Variants in LVRN observed in about 807,000 individuals in gnomAD.
LVRN encodes aminopeptidase Q.
LVRN carries 99 observed loss-of-function variants against 111.4 expected under a neutral mutation model. The observed-to-expected ratio is 0.89, with a 90% CI of 0.76 to 1.05. The LOEUF (loss-of-function observed/expected upper bound fraction) is 1.05. Among genes scored for constraint, LVRN ranks in the 50% least tolerant of loss-of-function variants. The probability of loss-of-function intolerance (pLI) is 0.00; values close to 1 mark genes in which losing one functional copy is unlikely to be tolerated. For synonymous variants in LVRN, 488 were observed against 449.5 expected (o/e 1.09, Z -1.08); for missense variants, 1,414 against 1,206.8 (o/e 1.17, Z -2.54).
At chr5:115,996,824 G>A (rs530383460) in intron 6 of LVRN, among the ~76,000 whole-genome samples, 1 of 152,090 alleles carries the variant, frequency 6.6e-6, no homozygotes, top group African/African-American at 2.4e-5. Context: ...ATCATATGTT[G>A]CTCTGCCTTT....
chr5:115,993,248 C>G (rs766348564), intron 5 of LVRN, among the ~76,000 whole-genome samples: 48 of 150,998 alleles, frequency 3.2e-4, no homozygotes, highest in Non-Finnish European at 5.4e-4. Context: ...AACAGCTGAG[C>G]CATATTGCAT....
intron 3 of LVRN, 128 bp downstream of exon 3, chr5:115,984,837 T>C: frequency 7.7e-7 from 1 of 1,306,622 alleles, no homozygotes; most frequent in East Asian, 2.5e-5. Flanking sequence ...TCCCAAGCCC[T>C]GTAAAAGTTC....
chr5:115,981,743 A>G (rs1024653192), intron 1 of LVRN, among the ~76,000 whole-genome samples: 6 of 152,106 alleles, frequency 3.9e-5, no homozygotes, highest in Admixed American at 6.5e-5. Flanking sequence ...TGGGACTTTT[A>G]AAGATGCATC....
At chr5:116,005,160 A>G (rs1403538980) in intron 12 of LVRN, among the ~76,000 whole-genome samples, 1 of 152,270 alleles carries the variant, frequency 6.6e-6, no homozygotes, top group African/African-American at 2.4e-5. Flanking sequence ...TAGTACTGCC[A>G]GAAAAGAAAT....
At chr5:115,969,655 C>G (rs941149151) in intron 1 of LVRN, among the ~76,000 whole-genome samples, 4 of 151,954 alleles carry the variant, frequency 2.6e-5, no homozygotes, top group Non-Finnish European at 4.4e-5. Flanking sequence ...AAAAAATTAT[C>G]CAGGTGTGGT....
Position 116,015,241 on chromosome 5 carries a change from A to G in LVRN, c.2451-11A>G, listed in dbSNP as rs764760798. On this transcript the variant is annotated splice_polypyrimidine_tract_variant and intron_variant, in intron 16 of 19. Coordinates refer to ENST00000357872, the MANE Select transcript of LVRN (RefSeq NM_173800.5). ...ACTATGAAAAATATCATTTTATGTT[A>G]TATTTTACAGAATACCTTATCCAAT... 1 of 1,553,946 alleles carries G rather than the reference A, an allele frequency of 6.4e-7. No individual in the cohort carries two copies.
intron 12 of LVRN, among the ~76,000 whole-genome samples, chr5:116,003,738 C>T (rs979119638): frequency 6.6e-6 from 1 of 151,966 alleles, no homozygotes; most frequent in Non-Finnish European, 1.5e-5. Context: ...CCTGCCACCA[C>T]GCCCGGCTAA....
chr5:116,003,434 G>C (rs570195804), intron 12 of LVRN, 54 bp downstream of exon 12: 7 of 1,178,994 alleles, frequency 5.9e-6, no homozygotes, highest in Non-Finnish European at 8.0e-6. Flanking sequence ...GCCTTCTCTA[G>C]TGTTTTAGAA....
intron 1 of LVRN, chr5:115,974,795 A>G (rs1753404376): frequency 3.7e-6 from 1 of 267,292 alleles, no homozygotes; most frequent in Admixed American, 4.3e-5. Context: ...CATGGACATC[A>G]AGACCTCAGG....
At chr5:116,014,071 A>G (rs1580398916) in intron 15 of LVRN, among the ~76,000 whole-genome samples, 1 of 152,318 alleles carries the variant, frequency 6.6e-6, no homozygotes. Flanking sequence ...TTTTTTATCC[A>G]TAAGGCAATT....
At chr5:115,983,206 C>G in intron 1 of LVRN, 81 bp from the exon 2 acceptor site, 1 of 1,423,224 alleles carries the variant, frequency 7.0e-7, no homozygotes, top group East Asian at 2.5e-5. Flanking sequence ...GGCTAACTTA[C>G]AAGCCATCAT....
At chr5:115,990,400 A>C (rs1747960984) in intron 4 of LVRN, among the ~76,000 whole-genome samples, 1 of 152,038 alleles carries the variant, frequency 6.6e-6, no homozygotes, top group African/African-American at 2.4e-5. Context: ...TGTTTGAAGT[A>C]TTTCTTTGGT....
Position 115,993,846 on chromosome 5 carries a change from C to T in LVRN, c.1366C>T (p.Leu456Phe). 1.4e-5 allele frequency: 22 copies of T among 1,575,768 alleles called. No homozygotes were observed. Among genetic ancestry groups the T allele is most frequent in the Non-Finnish European group, 1.9e-5 (22 of 1,153,896 alleles). The change falls in exon 6 of 20, where the codon CTC (leucine) becomes TTC (phenylalanine). Residue 456 changes from leucine (L) to phenylalanine (F), a missense_variant. Leu to Phe is a conservative substitution (Grantham distance 22, BLOSUM62 0). Coordinates refer to ENST00000357872, the MANE Select transcript of LVRN (RefSeq NM_173800.5). ...AGTAATTAACTACTTTAATCCTAAA[C>T]TCCCAAGAGTAAGTATGTTTACTAA... is the stretch of plus-strand genomic sequence containing the variant. ...FEVINYFNPK[L>F]PRNEIFFSNI...
chr5:115,963,366 G>A, intron 1 of LVRN, 54 bp downstream of exon 1: 1 of 1,445,044 alleles, frequency 6.9e-7, no homozygotes. Flanking sequence ...GCGTCCCGGT[G>A]CAGGCTGCGG....
intron 3 of LVRN, among the ~76,000 whole-genome samples, chr5:115,985,361 A>G (rs1747834317): frequency 6.6e-6 from 1 of 152,130 alleles, no homozygotes; most frequent in African/African-American, 2.4e-5. Flanking sequence ...GGTGGCCACA[A>G]GACAAGTAGA....
At position 116,000,590 on chromosome 5, in the gene LVRN, CA is replaced by C; in HGVS notation, c.1582-2del. 6.2e-7 allele frequency: 1 copy of C among 1,613,776 alleles called. No homozygotes were observed. The highest frequency in any genetic ancestry group is 8.5e-7 in the Non-Finnish European group (1 of 1,179,742). On this transcript the variant is annotated splice_acceptor_variant, in intron 8 of 19. Coordinates refer to ENST00000357872, the MANE Select transcript of LVRN (RefSeq NM_173800.5). LOFTEE classifies it high-confidence loss of function. ...TTTAACCTTAACTTTTCTATTTTTACAGTCATATTTGAAGACATTTTCCTAC... is the reference window on the plus strand; with the variant it reads ...TTTAACCTTAACTTTTCTATTTTTACGTCATATTTGAAGACATTTTCCTAC...
At chr5:115,979,364 C>T (rs1753515015) in intron 1 of LVRN, among the ~76,000 whole-genome samples, 1 of 152,156 alleles carries the variant, frequency 6.6e-6, no homozygotes, top group Non-Finnish European at 1.5e-5. Context: ...GGATTCTCTC[C>T]TCCAAGCCCA....
chr5:115,984,830 C>A lies in LVRN; in HGVS notation c.978+121C>A, dbSNP rs571268523. ...CAAATCGCTTCCTAGTTCTCTCTCCCAAGCCCTGTAAAAGTTCTTAGTGTG... is the reference window on the plus strand; with the variant it reads ...CAAATCGCTTCCTAGTTCTCTCTCCAAAGCCCTGTAAAAGTTCTTAGTGTG... On this transcript the variant is annotated intron_variant, in intron 3 of 19. Transcript: ENST00000357872. The A allele has an allele frequency of 1.1e-5, 15 of 1,360,126 alleles. No individual in the cohort carries two copies. In the Middle Eastern group the frequency reaches 6.1e-4, roughly 55 times the overall value. The allele number at this position is 1,360,126 out of a possible 1,614,324, so 84.3% of individuals were successfully genotyped here.
In LVRN at chr5:115,963,023, C is replaced by A. The variant is rs1753121062; in HGVS notation, c.406C>A (p.Arg136Ser). ...CACTGGCCGCGTGAACATCACGGTG[C>A]GCTGCACGGTGGCCACCTCTCGACT... Reference protein sequence around the residue: ...PFTGRVNITVRCTVATSRLLL... With the variant: ...PFTGRVNITVSCTVATSRLLL... The change falls in exon 1 of 20, where the codon CGC becomes AGC. Residue 136 changes from arginine to serine, a missense_variant. By Grantham distance (110) the Arg-to-Ser change is moderately radical. Transcript: ENST00000357872. 4 of 1,613,610 alleles carry A rather than the reference C, an allele frequency of 2.5e-6. No individual in the cohort carries two copies. Among genetic ancestry groups the A allele is most frequent in the Non-Finnish European group, 3.4e-6 (4 of 1,179,918 alleles).
Sources: allele counts gnomAD v4.1 joint callset (sites outside exome capture counted in the v4.1 genomes callset), GRCh38; gene constraint gnomAD v4.1.1; transcripts MANE v1.5; gene names NCBI Gene and HGNC (gene_info 2026-07-23, HGNC 2026-07-21).